Variants in BBS9 observed in about 807,000 individuals in gnomAD.
BBS9 encodes protein PTHB1.
In BBS9, 89 loss-of-function variants were observed where a neutral mutation model predicts 117.7. The ratio of observed to expected loss-of-function variants is 0.76; its 90% CI spans 0.64 to 0.90. The LOEUF (loss-of-function observed/expected upper bound fraction) is 0.90, where lower values mean the gene tolerates loss of function less well. Among genes scored for constraint, BBS9 ranks in the 40% least tolerant of loss-of-function variants. The pLI, the probability that BBS9 is intolerant of heterozygous loss-of-function variation, is 0.00. For synonymous variants in BBS9, 379 were observed against 370.9 expected (o/e 1.02, Z -0.25); for missense variants, 982 against 1,042.2 (o/e 0.94, Z 0.80).
At chr7:33,504,996 T>A (rs1845944400) in intron 19 of BBS9, among the ~76,000 whole-genome samples, 1 of 152,182 alleles carries the variant, frequency 6.6e-6, no homozygotes, top group Non-Finnish European at 1.5e-5. Flanking sequence ...CCATGTAGCA[T>A]CTAAAGACTA....
At chr7:33,394,459 A>G (rs1220608315) in intron 19 of BBS9, among the ~76,000 whole-genome samples, 1 of 152,160 alleles carries the variant, frequency 6.6e-6, no homozygotes, top group Non-Finnish European at 1.5e-5. Flanking sequence ...TACTAGGCCC[A>G]GTATGTGGGT....
At position 33,604,939 on chromosome 7, in the gene BBS9, A is replaced by C. The variant is rs1456219954; in HGVS notation, c.2596A>C (p.Asn866His). Reference protein sequence around the residue: ...VEQDSTELFTNHRHLTAETPR... With the variant: ...VEQDSTELFTHHRHLTAETPR... ...ACAAGACTCTACAGAACTGTTTACC[A>C]ACCACAGACATCTCACTGCAGAGAC... The change falls in exon 22 of 23, where the codon AAC becomes CAC. Residue 866 changes from asparagine to histidine, a missense_variant. Transcript: ENST00000242067. 1.2e-6 allele frequency: 2 copies of C among 1,613,560 alleles called. No individual in the cohort carries two copies. The highest frequency in any genetic ancestry group is 3.3e-5 in the Admixed American group (2 of 60,008).
intron 19 of BBS9, among the ~76,000 whole-genome samples, chr7:33,400,970 C>T (rs1001326704): frequency 6.6e-6 from 1 of 152,194 alleles, no homozygotes; most frequent in African/African-American, 2.4e-5. Flanking sequence ...GATAGAATGT[C>T]ATGCAGTAAG....
chr7:33,175,887 C>T (rs1258904773), intron 4 of BBS9, among the ~76,000 whole-genome samples: 2 of 152,240 alleles, frequency 1.3e-5, no homozygotes, highest in East Asian at 3.9e-4. Flanking sequence ...GTAGTTGGAC[C>T]TTGGGCTAAC....
chr7:33,320,697 A>G (rs974903213), intron 9 of BBS9, among the ~76,000 whole-genome samples: 2 of 152,162 alleles, frequency 1.3e-5, no homozygotes, highest in East Asian at 3.9e-4. Context: ...ACTAATTTTC[A>G]TTTCTAACAA....
intron 21 of BBS9, among the ~76,000 whole-genome samples, chr7:33,602,477 C>G (rs1042874139): frequency 2.0e-5 from 3 of 152,094 alleles, no homozygotes; most frequent in African/African-American, 2.4e-5. Context: ...GCCTGTAATC[C>G]CAGCACTTTG....
Position 33,278,374 on chromosome 7 carries a change from A to G in BBS9, c.1016+4418A>G, listed in dbSNP as rs556375585. Among the ~76,000 whole-genome samples the G allele has an allele frequency of 7.9e-5, 12 of 152,308 alleles. No individual in the cohort carries two copies. In the South Asian group the frequency reaches 8.3e-4, roughly 11 times the overall value. On this transcript the variant is annotated intron_variant, in intron 9 of 22. Transcript: ENST00000242067. ...ATTGGGCTTCCAAGGCTTATATGACAAAGACGTTAATATTCTCACCCACAG... is the reference window on the plus strand; with the variant it reads ...ATTGGGCTTCCAAGGCTTATATGACGAAGACGTTAATATTCTCACCCACAG...
chr7:33,169,988 A>G (rs1796290781), intron 4 of BBS9, among the ~76,000 whole-genome samples: 2 of 152,230 alleles, frequency 1.3e-5, no homozygotes, highest in South Asian at 2.1e-4. Context: ...TGATTTTTGT[A>G]TAAGGTGTAA....
intron 4 of BBS9, among the ~76,000 whole-genome samples, chr7:33,168,969 C>A (rs1348270643): frequency 1.3e-5 from 2 of 151,640 alleles, no homozygotes; most frequent in African/African-American, 4.9e-5. Context: ...GCTCCCCCCA[C>A]CCCACCACAG....
intron 21 of BBS9, among the ~76,000 whole-genome samples, chr7:33,581,473 A>G (rs1205182041): frequency 3.3e-5 from 5 of 152,156 alleles, no homozygotes; most frequent in Non-Finnish European, 7.4e-5. Flanking sequence ...CTTGACAAAT[A>G]GACATCAAAT....
chr7:33,592,783 G>T (rs1322854499), intron 21 of BBS9, among the ~76,000 whole-genome samples: 1 of 152,102 alleles, frequency 6.6e-6, no homozygotes, highest in Non-Finnish European at 1.5e-5. Flanking sequence ...TTGAAGAAAT[G>T]TTGCCAGGAT....
chr7:33,381,254 C>G (rs1289716429), intron 17 of BBS9, among the ~76,000 whole-genome samples: 2 of 152,166 alleles, frequency 1.3e-5, no homozygotes, highest in African/African-American at 2.4e-5. Flanking sequence ...CCTGGCACCC[C>G]TGTGGCAAGG....
intron 5 of BBS9, among the ~76,000 whole-genome samples, chr7:33,209,029 C>A (rs1419896349): frequency 1.3e-5 from 2 of 152,164 alleles, no homozygotes; most frequent in Non-Finnish European, 1.5e-5. Context: ...ATTATGCTAT[C>A]AAATATTAGA....
intron 4 of BBS9, among the ~76,000 whole-genome samples, chr7:33,156,017 G>A (rs1794046483): frequency 6.6e-6 from 1 of 152,138 alleles, no homozygotes; most frequent in Admixed American, 6.5e-5. Flanking sequence ...TAAGACACTT[G>A]AGTCTTAAGA....
chr7:33,333,529 T>C (rs957874397), intron 9 of BBS9, among the ~76,000 whole-genome samples: 5 of 152,154 alleles, frequency 3.3e-5, no homozygotes, highest in African/African-American at 1.2e-4. Context: ...TTTTTTTTTC[T>C]TCAGCCAACA....
At chr7:33,329,462 A>G (rs1813526669) in intron 9 of BBS9, among the ~76,000 whole-genome samples, 1 of 152,234 alleles carries the variant, frequency 6.6e-6, no homozygotes, top group East Asian at 1.9e-4. Context: ...AATAAAATGT[A>G]CATGCAGTAT....
intron 5 of BBS9, among the ~76,000 whole-genome samples, chr7:33,199,419 A>G (rs760864315): frequency 2.6e-5 from 4 of 151,916 alleles, no homozygotes; most frequent in Admixed American, 6.6e-5. Context: ...ATTAACTGGC[A>G]ATAGCTATGT....
chr7:33,368,472 G>A (rs1822211990), intron 17 of BBS9, among the ~76,000 whole-genome samples: 1 of 151,988 alleles, frequency 6.6e-6, no homozygotes, highest in African/African-American at 2.4e-5. Context: ...GACATATGTA[G>A]TATACTGAAG....
intron 20 of BBS9, among the ~76,000 whole-genome samples, chr7:33,516,174 GT>G (rs1447455028): frequency 6.6e-6 from 1 of 152,132 alleles, no homozygotes; most frequent in Non-Finnish European, 1.5e-5. Context: ...CTTCTGAGAT[GT>G]GGGGGAGAAA....
Sources: gnomAD v4.1 joint callset for allele counts (sites outside exome capture counted in the v4.1 genomes callset) on GRCh38, gnomAD v4.1.1 for gene constraint, MANE v1.5 for transcripts, NCBI Gene and HGNC (gene_info 2026-07-23, HGNC 2026-07-21) for gene names.